The following NMNAT2 variants were observed in gnomAD, a reference collection of about 807,000 sequenced individuals.
The protein encoded by NMNAT2 is nicotinamide/nicotinic acid mononucleotide adenylyltransferase 2.
NMNAT2 carries 11 observed loss-of-function variants against 41.6 expected under a neutral mutation model. The observed-to-expected ratio is 0.26, with a 90% CI of 0.17 to 0.44. The LOEUF is 0.44. NMNAT2 is among the 20% of genes least tolerant of loss of function. The probability of loss-of-function intolerance (pLI) is 1.00; values close to 1 mark genes in which losing one functional copy is unlikely to be tolerated. For synonymous variants in NMNAT2, 148 were observed against 151.2 expected (o/e 0.98, Z 0.16); for missense variants, 288 against 407.7 (o/e 0.71, Z 2.53).
intron 1 of NMNAT2, among the ~76,000 whole-genome samples, chr1:183,341,724 C>CAAAAAAAAA (rs1557883660): frequency 6.3e-5 from 1 of 15,822 alleles, no homozygotes; most frequent in Non-Finnish European, 1.4e-4. Context: ...CAAACAAACA[C>CAAAAAAAAA]CAAAAAAAAA....
chr1:183,378,247 A>G (rs1663720990), intron 1 of NMNAT2, among the ~76,000 whole-genome samples: 3 of 152,072 alleles, frequency 2.0e-5, no homozygotes, highest in Admixed American at 1.3e-4. Flanking sequence ...CAAAAAAATG[A>G]GCTGGATGTG....
chr1:183,293,745 C>A lies in NMNAT2; in HGVS notation c.134G>T (p.Gly45Val). The A allele has an allele frequency of 6.2e-7, 1 of 1,614,104 alleles. No individual in the cohort carries two copies. The highest frequency in any genetic ancestry group is 8.5e-7 in the Non-Finnish European group (1 of 1,179,994). ...LHKTGRFIVI[G>V]GIVSPVHDSY... The stretch of plus-strand genomic sequence containing the variant: ...GTCGTGGACAGGGGAGACAATCCCG[C>A]CAATCACAATAAACCTTCCAGTTTT... The change falls in exon 2 of 11, where the codon GGC (glycine) becomes GTC (valine). Residue 45 changes from glycine (G) to valine (V), a missense_variant. By Grantham distance (109) the Gly-to-Val change is moderately radical (BLOSUM62 -3). This residue lies in a region of NMNAT2 where 100 missense variants were observed against 168.5 expected (regional missense o/e 0.59). Transcript: ENST00000287713.
At chr1:183,361,073 G>T (rs1368085887) in intron 1 of NMNAT2, among the ~76,000 whole-genome samples, 1 of 152,178 alleles carries the variant, frequency 6.6e-6, no homozygotes, top group Non-Finnish European at 1.5e-5. Context: ...GTATGCATAA[G>T]AAGCTATAAT....
intron 1 of NMNAT2, among the ~76,000 whole-genome samples, chr1:183,366,658 C>T (rs1002797225): frequency 6.6e-6 from 1 of 152,006 alleles, no homozygotes; most frequent in South Asian, 2.1e-4. Context: ...GGGGAGGAGT[C>T]TGATGTGGGT....
chr1:183,341,055 C>T (rs1445633766), intron 1 of NMNAT2, among the ~76,000 whole-genome samples: 1 of 152,192 alleles, frequency 6.6e-6, no homozygotes, highest in Non-Finnish European at 1.5e-5. Flanking sequence ...GGCGACTTGC[C>T]CAAGGTCATG....
intron 3 of NMNAT2, among the ~76,000 whole-genome samples, chr1:183,292,172 A>G (rs1661559871): frequency 6.6e-6 from 1 of 152,264 alleles, no homozygotes; most frequent in Non-Finnish European, 1.5e-5. Flanking sequence ...ACTTTGGGGA[A>G]CATCATTAGC....
chr1:183,356,134 C>A (rs927676562), intron 1 of NMNAT2, among the ~76,000 whole-genome samples: 8 of 152,216 alleles, frequency 5.3e-5, no homozygotes, highest in Admixed American at 2.0e-4. Context: ...CTCATAGAAT[C>A]CTCAGGACAA....
intron 8 of NMNAT2, among the ~76,000 whole-genome samples, chr1:183,270,541 A>G (rs1428913276): frequency 2.6e-5 from 4 of 151,904 alleles, no homozygotes; most frequent in East Asian, 1.9e-4. Context: ...GAAAAAAAAA[A>G]AAAGAGAGAG....
chr1:183,297,179 T>C (rs1661724588), intron 1 of NMNAT2, among the ~76,000 whole-genome samples: 1 of 151,294 alleles, frequency 6.6e-6, no homozygotes, highest in East Asian at 1.9e-4. Context: ...GCCACCTCAC[T>C]AATCTCACTG....
intron 1 of NMNAT2, among the ~76,000 whole-genome samples, chr1:183,303,968 T>C (rs1192370098): frequency 6.6e-6 from 1 of 152,264 alleles, no homozygotes; most frequent in East Asian, 1.9e-4. Context: ...ACACTTGTCC[T>C]CAGACCCCTG....
At chr1:183,299,597 G>A (rs1267790129) in intron 1 of NMNAT2, among the ~76,000 whole-genome samples, 3 of 151,124 alleles carry the variant, frequency 2.0e-5, no homozygotes, top group African/African-American at 7.3e-5. Flanking sequence ...CAGGAGGCTC[G>A]CTTGACCTAG....
At chr1:183,293,616 G>T in intron 2 of NMNAT2, 89 bp downstream of exon 2, 1 of 914,722 alleles carries the variant, frequency 1.1e-6, no homozygotes, top group Non-Finnish European at 1.8e-6. Context: ...AGCAGAGACA[G>T]AGCGGGGGCA....
At chr1:183,285,007 G>A (rs889099872) in intron 5 of NMNAT2, among the ~76,000 whole-genome samples, 1 of 152,154 alleles carries the variant, frequency 6.6e-6, no homozygotes, top group Non-Finnish European at 1.5e-5. Flanking sequence ...CACGCATTGT[G>A]AGCCCTAGAC....
chr1:183,319,667 CCT>C, intron 1 of NMNAT2, among the ~76,000 whole-genome samples: 1 of 152,200 alleles, frequency 6.6e-6, no homozygotes, highest in East Asian at 1.9e-4. Flanking sequence ...TCTCTCTTCC[CCT>C]CTCTCTTTCT....
At chr1:183,255,457 C>T (rs994566426) in intron 10 of NMNAT2, among the ~76,000 whole-genome samples, 15 of 152,054 alleles carry the variant, frequency 9.9e-5, no homozygotes, top group Non-Finnish European at 1.8e-4. Context: ...AGTATGAATG[C>T]TGCCATTGGG....
At chr1:183,305,013 C>G (rs1661963818) in intron 1 of NMNAT2, 1 of 463,088 alleles carries the variant, frequency 2.2e-6, no homozygotes, top group Non-Finnish European at 3.3e-6. Flanking sequence ...CTGTTCAAAT[C>G]CTTTCCACTG....
At chr1:183,398,509 G>A (rs1419771620) in intron 1 of NMNAT2, among the ~76,000 whole-genome samples, 1 of 152,106 alleles carries the variant, frequency 6.6e-6, no homozygotes, top group Non-Finnish European at 1.5e-5. Context: ...CAACGAGACA[G>A]GAAGTTCACA....
chr1:183,378,541 G>A (rs912450152), intron 1 of NMNAT2, among the ~76,000 whole-genome samples: 2 of 151,752 alleles, frequency 1.3e-5, no homozygotes, highest in African/African-American at 2.4e-5. Flanking sequence ...GGCAACAAGA[G>A]TGAGACTGTC....
intron 7 of NMNAT2, among the ~76,000 whole-genome samples, chr1:183,280,621 C>G (rs1415728991): frequency 6.6e-6 from 1 of 151,882 alleles, no homozygotes; most frequent in Non-Finnish European, 1.5e-5. Context: ...CTCCTGACCT[C>G]AAGTGATCTG....
Sources: gnomAD v4.1 joint callset for allele counts (sites outside exome capture counted in the v4.1 genomes callset) on GRCh38, gnomAD v4.1.1 for gene constraint, gnomAD v4.1.1 regional missense constraint, MANE v1.5 for transcripts, NCBI Gene and HGNC (gene_info 2026-07-23, HGNC 2026-07-21) for gene names.